The following CEP104 variants were observed in gnomAD, a reference collection of about 807,000 sequenced individuals.
CEP104 encodes the protein centrosomal protein 104, also known as centrosomal protein of 104 kDa.
A neutral mutation model predicts 113.3 loss-of-function variants in CEP104; 84 were observed. The observed-to-expected ratio is 0.74, with a 90% CI of 0.62 to 0.89. The LOEUF (loss-of-function observed/expected upper bound fraction) is 0.89, where lower values mean the gene tolerates loss of function less well. Among genes scored for constraint, CEP104 ranks in the 40% least tolerant of loss-of-function variants. The pLI, the probability that CEP104 is intolerant of heterozygous loss-of-function variation, is 0.00. For missense variants in CEP104, 1,053 were observed against 1,156.6 expected (o/e 0.91, Z 1.30); for synonymous variants, 378 against 421.7 (o/e 0.90, Z 1.27).
Position 3,835,083 on chromosome 1 carries a change from C to T in CEP104, c.1327G>A (p.Ala443Thr). ...DVLGETLVAE[A>T]YCKTWSYRED... is the part of the protein sequence containing the mutation. ...CGGTAGGACCACGTCTTACAATAGG[C>T]CTCAGCAACCTACCACAAAACAGGC... The change falls in exon 11 of 22, where the codon GCC (alanine) becomes ACC (threonine). Residue 443 changes from alanine to threonine, a missense_variant. Physicochemically the swap from Ala to Thr is moderately conservative, Grantham distance 58. Transcript: ENST00000378230. 1 of 1,612,632 alleles carries T rather than the reference C, an allele frequency of 6.2e-7. No homozygotes were observed. The highest frequency in any genetic ancestry group is 8.5e-7 in the Non-Finnish European group (1 of 1,179,200).
chr1:3,847,398 T>G, intron 4 of CEP104, 77 bp downstream of exon 4: 1 of 1,350,810 alleles, frequency 7.4e-7, no homozygotes, highest in African/African-American at 1.5e-5. Flanking sequence ...AAAATGCATC[T>G]AAGAAAAGAT....
At chr1:3,832,294 CCAGGAGTGTAT>C in intron 12 of CEP104, among the ~76,000 whole-genome samples, 1 of 68,282 alleles carries the variant, frequency 1.5e-5, no homozygotes. Flanking sequence ...TGTATTGTAA[CCAGGAGTGTAT>C]TGTAGGTCGT....
Position 3,844,441 on chromosome 1 carries a change from T to C in CEP104, c.566+466A>G, listed in dbSNP as rs539446274. On this transcript the variant is annotated intron_variant, in intron 6 of 21. Transcript: ENST00000378230. ...TGAACGCAGGAAGCAGAGTTTGCAGTGAGCCGAGATCGTGCCACTGCACTC... is the reference window on the plus strand; with the variant it reads ...TGAACGCAGGAAGCAGAGTTTGCAGCGAGCCGAGATCGTGCCACTGCACTC... Among the ~76,000 whole-genome samples the C allele has an allele frequency of 3.8e-3, 584 of 152,086 alleles. 2 individuals are homozygous for C. Among genetic ancestry groups the C allele is most frequent in the Non-Finnish European group, 6.8e-3 (463 of 67,988 alleles).
intron 8 of CEP104, among the ~76,000 whole-genome samples, chr1:3,838,132 C>T (rs1453903754): frequency 1.3e-5 from 2 of 152,206 alleles, no homozygotes; most frequent in African/African-American, 4.8e-5. Context: ...GATTTGAACC[C>T]AGACAGTCCA....
In CEP104 at chr1:3,836,467, C is replaced by CGTTTTTTTTT. The variant is rs1557677745; in HGVS notation, c.1317+18_1317+27dup. On this transcript the variant is annotated intron_variant, in intron 10 of 21. Coordinates refer to ENST00000378230, the MANE Select transcript of CEP104 (RefSeq NM_014704.4). Reference sequence around the variant, plus strand: ...TAGACTAGCCTCCCCTCTGCCACCCCGTTTTTTTTTTTTTTTTTTTTTTTT... The same window carrying CGTTTTTTTTT: ...TAGACTAGCCTCCCCTCTGCCACCCCGTTTTTTTTTGTTTTTTTTTTTTTTTTTTTTTTTT... 2.5e-6 allele frequency: 3 copies of CGTTTTTTTTT among 1,187,202 alleles called. No homozygotes were observed. The African/African-American group carries it at 6.1e-5, about 24-fold the overall frequency. 73.5% of individuals were successfully genotyped at this position (1,187,202 alleles called of 1,614,324 possible).
intron 14 of CEP104, 132 bp downstream of exon 14, chr1:3,829,659 T>A: frequency 1.0e-6 from 1 of 984,634 alleles, no homozygotes; most frequent in Non-Finnish European, 1.6e-6. Flanking sequence ...CTGTGTTCTT[T>A]CTTAGCCAGG....
intron 6 of CEP104, among the ~76,000 whole-genome samples, chr1:3,842,676 C>T (rs969526536): frequency 1.3e-5 from 2 of 152,244 alleles, no homozygotes; most frequent in South Asian, 4.1e-4. Context: ...TTACACCAAA[C>T]ACGGACAAAT....
rs2275832 is a variant in CEP104 at position 3,829,223 on chromosome 1, T to C, written c.2151+43A>G. On this transcript the variant is annotated intron_variant, in intron 15 of 21. Transcript: ENST00000378230. ...TGTGGATCTATACAGCAAAATACATTTCAGCTAAAAGCACACAGGTGAAAG... is the reference window on the plus strand; with the variant it reads ...TGTGGATCTATACAGCAAAATACATCTCAGCTAAAAGCACACAGGTGAAAG... 0.59 allele frequency: 787,888 copies of C among 1,326,038 alleles called. 239,424 individuals carry two copies. Among genetic ancestry groups the C allele is most frequent in the African/African-American group, 0.89 (60,301 of 67,400 alleles). The allele number at this position is 1,326,038 out of a possible 1,614,324, so 82.1% of individuals were successfully genotyped here.
chr1:3,816,293 C>T lies in CEP104; in HGVS notation c.2649G>A (p.Pro883=), dbSNP rs747029336. 83 of 1,552,276 alleles carry T rather than the reference C, an allele frequency of 5.3e-5. 1 individual carries two copies. The highest frequency in any genetic ancestry group is 2.3e-4 in the South Asian group (19 of 84,114). Residue 883 remains proline (P), a synonymous_variant, in exon 21 of 22, where the codon CCG becomes CCA. Coordinates refer to ENST00000378230, the MANE Select transcript of CEP104 (RefSeq NM_014704.4). ...GCTGTCCCTCACCTGGCTGCAGTGC[C>T]GGGGCCTTCTGCAGAATGTGTGTCT... ...LRKTHILQKA[P]ALQPGKSSAV...
Position 3,831,049 on chromosome 1 carries a change from C to T in CEP104, c.1833G>A (p.Met611Ile). 1 of 1,613,278 alleles carries T rather than the reference C, an allele frequency of 6.2e-7. No homozygotes were observed. Among genetic ancestry groups the T allele is most frequent in the African/African-American group, 1.3e-5 (1 of 75,052 alleles). ...GTCACACGCGAGGTCTGCTTACCTT[C>T]ATCACGTTGTCAATGGTGAAGCCCG... ...GSSGFTIDNV[M>I]KFSVSALEHR... Residue 611 changes from methionine (M) to isoleucine (I), a missense_variant, in exon 13 of 22, where the codon ATG becomes ATA. Met to Ile is a conservative substitution (Grantham distance 10, BLOSUM62 1). Transcript: ENST00000378230.
Position 3,844,987 on chromosome 1 carries a change from TG to T in CEP104, c.490-5del. 3 of 1,613,414 alleles carry T rather than the reference TG, an allele frequency of 1.9e-6. No individual in the cohort carries two copies. Among genetic ancestry groups the T allele is most frequent in the South Asian group, 1.1e-5 (1 of 91,064 alleles). Reference sequence around the variant, plus strand: ...CAATCAACTTCTCTCGAGAGGCCTTTGGGGGCAAAACATCTGCTTAGTGTCT... The same window carrying T: ...CAATCAACTTCTCTCGAGAGGCCTTTGGGGCAAAACATCTGCTTAGTGTCT... On this transcript the variant is annotated splice_polypyrimidine_tract_variant and splice_region_variant and intron_variant, in intron 5 of 21. Transcript: ENST00000378230.
intron 6 of CEP104, among the ~76,000 whole-genome samples, chr1:3,841,139 C>A (rs554195880): frequency 6.6e-6 from 1 of 152,322 alleles, no homozygotes; most frequent in South Asian, 2.1e-4. Flanking sequence ...CCCCATTAAA[C>A]AAGCCAGCTG....
chr1:3,818,289 A>T (rs897282682), intron 20 of CEP104, among the ~76,000 whole-genome samples: 4 of 152,106 alleles, frequency 2.6e-5, no homozygotes, highest in African/African-American at 9.7e-5. Context: ...CCCACTTCTT[A>T]TACACGCTTA....
In CEP104 at chr1:3,819,336, G is replaced by C. The variant is rs760149232; in HGVS notation, c.2572-2966C>G. On this transcript the variant is annotated intron_variant, in intron 20 of 21. Coordinates refer to ENST00000378230, the MANE Select transcript of CEP104 (RefSeq NM_014704.4). This position sits in a 1 kb window ranked among gnomAD's most constrained non-coding sequence, Gnocchi z 4.6. ...AGAGGGGGCTGGGGAGAAAAGGGGC[G>C]GCATGTAGGCAGTGTTGTCTTTTGG... 6.6e-6 allele frequency among the ~76,000 whole-genome samples: 1 copy of C among 152,112 alleles called. No individual in the cohort carries two copies.
chr1:3,828,643 ACT>A (rs1557667816), intron 15 of CEP104, among the ~76,000 whole-genome samples: 1 of 151,996 alleles, frequency 6.6e-6, no homozygotes, highest in Non-Finnish European at 1.5e-5. Flanking sequence ...ACGGCTGAAA[ACT>A]CAGGTCTGCG....
chr1:3,852,884 C>T (rs1035441854), intron 1 of CEP104, among the ~76,000 whole-genome samples: 3 of 149,730 alleles, frequency 2.0e-5, no homozygotes, highest in East Asian at 2.0e-4. Flanking sequence ...ACCGGAGCAA[C>T]GCATCTCTAA....
At chr1:3,822,860 C>T (rs1644005888) in intron 20 of CEP104, 2 of 281,598 alleles carry the variant, frequency 7.1e-6, no homozygotes, top group Non-Finnish European at 1.3e-5. Flanking sequence ...CTGAGGGTCT[C>T]ATTATCTGGA....
At chr1:3,843,411 C>G in intron 6 of CEP104, 1 of 515,814 alleles carries the variant, frequency 1.9e-6, no homozygotes, top group Non-Finnish European at 3.4e-6. Flanking sequence ...GGGTCTCACT[C>G]TGTCACCCAG....
In CEP104 at chr1:3,837,446, G is replaced by A. The variant is rs1022134442; in HGVS notation, c.965C>T (p.Pro322Leu). The A allele has an allele frequency of 5.0e-6, 8 of 1,614,064 alleles. No homozygotes were observed. In the African/African-American group the frequency reaches 9.3e-5, roughly 19 times the overall value. Residue 322 changes from proline to leucine, a missense_variant, in exon 9 of 22, where the codon CCC becomes CTC. Physicochemically the swap from Pro to Leu is moderately conservative, Grantham distance 98. Coordinates refer to ENST00000378230, the MANE Select transcript of CEP104 (RefSeq NM_014704.4). Reference protein sequence around the residue: ...SGSPCHQKPMPSLPQLEERGT... With the variant: ...SGSPCHQKPMLSLPQLEERGT... The stretch of plus-strand genomic sequence containing the variant: ...TCTTTCTTCCAGTTGTGGTAGTGAG[G>A]GCATTGGCTTTTGGTGGCAAGGACT...
Sources: allele counts gnomAD v4.1 joint callset (sites outside exome capture counted in the v4.1 genomes callset), GRCh38; gene constraint gnomAD v4.1.1; non-coding constraint Gnocchi (gnomAD v3.1); transcripts MANE v1.5; gene names NCBI Gene and HGNC (gene_info 2026-07-23, HGNC 2026-07-21).